Variants in FRAS1 observed in about 807,000 individuals in gnomAD.
The protein encoded by FRAS1 is Fraser extracellular matrix complex subunit 1.
Under a neutral mutation model 435.2 loss-of-function variants are expected in FRAS1, and 290 were observed. The ratio of observed to expected loss-of-function variants is 0.67; its 90% CI spans 0.61 to 0.73. The LOEUF is 0.73. Among genes scored for constraint, FRAS1 ranks in the 30% least tolerant of loss-of-function variants. FRAS1 has a pLI of 0.00. For synonymous variants in FRAS1, 1,800 were observed against 1,851.0 expected (o/e 0.97, Z 0.71); for missense variants, 4,860 against 5,001.5 (o/e 0.97, Z 0.85).
rs868425382 is a variant in FRAS1, at chr4:78,526,753, G to A, written c.10925+96G>A. ...TATTTGTAACCCCCAAATCAACATG[G>A]TGCTTTCATAGTCATTCACTGACAT... On this transcript the variant is annotated intron_variant, in intron 70 of 73. Transcript: ENST00000512123. 7 of 756,126 alleles carry A rather than the reference G, an allele frequency of 9.3e-6. No individual in the cohort carries two copies. The South Asian group carries it at 9.6e-5, about 10-fold the overall frequency. The allele number at this position is 756,126 out of a possible 1,614,324, so 46.8% of individuals were successfully genotyped here. A position where few individuals can be genotyped will look rare whatever the true frequency, so the allele number is the denominator to read the frequency against.
chr4:78,114,600 G>A (rs899290951), intron 2 of FRAS1, among the ~76,000 whole-genome samples: 1 of 151,886 alleles, frequency 6.6e-6, no homozygotes, highest in Non-Finnish European at 1.5e-5. Flanking sequence ...ATTGTGAATG[G>A]GGGTTCACTC....
At chr4:78,125,920 A>G (rs1486715795) in intron 2 of FRAS1, among the ~76,000 whole-genome samples, 1 of 152,160 alleles carries the variant, frequency 6.6e-6, no homozygotes, top group East Asian at 1.9e-4. Context: ...CAGAGCTGTC[A>G]GGCAGGGACG....
chr4:78,505,809 ACT>A (rs1578363161), intron 61 of FRAS1, among the ~76,000 whole-genome samples: 1 of 152,048 alleles, frequency 6.6e-6, no homozygotes, highest in South Asian at 2.1e-4. Flanking sequence ...GAGAAGAGAC[ACT>A]CTGGTTTTTA....
At chr4:78,209,301 GT>G (rs1723404237) in intron 2 of FRAS1, among the ~76,000 whole-genome samples, 1 of 152,174 alleles carries the variant, frequency 6.6e-6, no homozygotes, top group Admixed American at 6.5e-5. Flanking sequence ...GCTCTCTTCA[GT>G]AGTTAACCCT....
intron 14 of FRAS1, among the ~76,000 whole-genome samples, chr4:78,304,478 G>A (rs1560640102): frequency 6.6e-6 from 1 of 152,210 alleles, no homozygotes; most frequent in Non-Finnish European, 1.5e-5. Flanking sequence ...GCATTCGGCT[G>A]TGAATCCATC....
intron 24 of FRAS1, among the ~76,000 whole-genome samples, chr4:78,373,656 A>G (rs1271758940): frequency 6.6e-6 from 1 of 151,778 alleles, no homozygotes; most frequent in African/African-American, 2.4e-5. Context: ...ACATGTCTGT[A>G]ATCCCAGCTA....
intron 55 of FRAS1, among the ~76,000 whole-genome samples, 174 bp from the exon 56 acceptor site, chr4:78,479,200 T>C (rs1464852536): frequency 6.6e-6 from 1 of 152,224 alleles, no homozygotes; most frequent in Non-Finnish European, 1.5e-5. Context: ...AATCCTCAAG[T>C]GGTTTATACC....
intron 53 of FRAS1, among the ~76,000 whole-genome samples, chr4:78,475,084 AC>A (rs1263992023): frequency 1.3e-5 from 2 of 152,058 alleles, no homozygotes; most frequent in African/African-American, 4.8e-5. Context: ...GAACCCACTG[AC>A]CTATTGTGAT....
intron 2 of FRAS1, among the ~76,000 whole-genome samples, chr4:78,193,412 C>T (rs1722644612): frequency 6.6e-6 from 1 of 152,096 alleles, no homozygotes; most frequent in Non-Finnish European, 1.5e-5. Flanking sequence ...GTCTAAGTCT[C>T]TTTGTAGGTC....
chr4:78,239,780 C>CATAT (rs1028181436), intron 3 of FRAS1, among the ~76,000 whole-genome samples: 1 of 151,996 alleles, frequency 6.6e-6, no homozygotes, highest in African/African-American at 2.4e-5. Context: ...GCCTGGTATG[C>CATAT]ATATATATAT....
chr4:78,513,171 A>G (rs1496606), intron 64 of FRAS1, among the ~76,000 whole-genome samples: 150,438 of 152,246 alleles, frequency 0.99, 74,333 homozygotes, highest in East Asian at 1. Context: ...ATTCTAGATT[A>G]CTATCAGTCC....
chr4:78,417,393 C>A (rs575623004), intron 32 of FRAS1, among the ~76,000 whole-genome samples: 1 of 152,258 alleles, frequency 6.6e-6, no homozygotes, highest in South Asian at 2.1e-4. Flanking sequence ...GCAAACAGTA[C>A]CAAACAAGGT....
chr4:78,419,521 A>G (rs560148071), intron 33 of FRAS1, among the ~76,000 whole-genome samples: 1 of 152,326 alleles, frequency 6.6e-6, no homozygotes, highest in East Asian at 1.9e-4. Context: ...CCGATTGGAT[A>G]CATTACTCCT....
intron 22 of FRAS1, among the ~76,000 whole-genome samples, chr4:78,364,482 T>C (rs182348137): frequency 3.3e-5 from 5 of 152,216 alleles, no homozygotes; most frequent in Non-Finnish European, 7.3e-5. Flanking sequence ...GTTTTCTACA[T>C]GTGTTTGTGA....
At chr4:78,086,332 C>T (rs180903135) in intron 2 of FRAS1, among the ~76,000 whole-genome samples, 1 of 151,950 alleles carries the variant, frequency 6.6e-6, no homozygotes, top group Admixed American at 6.6e-5. Context: ...AGGAAAGATC[C>T]AAAATTGACA....
intron 2 of FRAS1, among the ~76,000 whole-genome samples, chr4:78,079,736 C>G (rs1740811934): frequency 6.6e-6 from 1 of 152,116 alleles, no homozygotes; most frequent in Non-Finnish European, 1.5e-5. Flanking sequence ...GAGATGCTAT[C>G]TCCGGCAAAA....
At chr4:78,337,336 A>C (rs1730209302) in intron 19 of FRAS1, among the ~76,000 whole-genome samples, 1 of 152,118 alleles carries the variant, frequency 6.6e-6, no homozygotes, top group Non-Finnish European at 1.5e-5. Flanking sequence ...AGGGTCAGGG[A>C]GTCCTACCAC....
At chr4:78,441,541 C>CA (rs1431144840) in intron 41 of FRAS1, among the ~76,000 whole-genome samples, 1 of 152,188 alleles carries the variant, frequency 6.6e-6, no homozygotes, top group African/African-American at 2.4e-5. Flanking sequence ...CCTCCCTTCA[C>CA]AGTGCCTTCA....
intron 38 of FRAS1, among the ~76,000 whole-genome samples, chr4:78,433,744 C>T (rs772276968): frequency 4.6e-5 from 7 of 152,126 alleles, no homozygotes; most frequent in Non-Finnish European, 8.8e-5. Flanking sequence ...TTATGAAACT[C>T]GTGAATTCAT....
Sources: allele counts gnomAD v4.1 joint callset (sites outside exome capture counted in the v4.1 genomes callset), GRCh38; gene constraint gnomAD v4.1.1; transcripts MANE v1.5; gene names NCBI Gene and HGNC (gene_info 2026-07-23, HGNC 2026-07-21).